The following HIRA variants were observed in gnomAD, a reference collection of about 807,000 sequenced individuals.
HIRA encodes the protein histone cell cycle regulator, also known as protein HIRA.
Under a neutral mutation model 126.6 loss-of-function variants are expected in HIRA, and 13 were observed. The ratio of observed to expected loss-of-function variants is 0.10; its 90% CI spans 0.07 to 0.16. The LOEUF is 0.16. Among genes scored for constraint, HIRA ranks in the 10% least tolerant of loss-of-function variants. The probability of loss-of-function intolerance (pLI) is 1.00; values close to 1 mark genes in which losing one functional copy is unlikely to be tolerated. For synonymous variants in HIRA, 511 were observed against 520.0 expected, an observed-to-expected ratio of 0.98 and a Z score of 0.24; for missense variants, 834 against 1,314.4, an observed-to-expected ratio of 0.63 and a Z score of 5.65.
At chr22:19,352,673 A>T (rs1303384024) in intron 23 of HIRA, among the ~76,000 whole-genome samples, 2 of 152,152 alleles carry the variant, frequency 1.3e-5, no homozygotes, top group Admixed American at 6.5e-5. Flanking sequence ...CTGTACTTAA[A>T]TTTTTTTCTA....
chr22:19,362,854 C>G (rs2088877400), intron 15 of HIRA, among the ~76,000 whole-genome samples: 1 of 151,580 alleles, frequency 6.6e-6, no homozygotes, highest in Non-Finnish European at 1.5e-5. Flanking sequence ...AGCCACCATG[C>G]CTGGCTGAGA....
intron 1 of HIRA, among the ~76,000 whole-genome samples, chr22:19,424,239 C>T (rs575214815): frequency 3.5e-4 from 54 of 152,360 alleles, no homozygotes; most frequent in African/African-American, 1.3e-3. Context: ...CAGATATCCA[C>T]TCTGCCCGTT....
intron 13 of HIRA, among the ~76,000 whole-genome samples, chr22:19,380,991 T>C (rs531096133): frequency 2.6e-5 from 4 of 152,338 alleles, no homozygotes; most frequent in African/African-American, 9.6e-5. Context: ...TTTGTACTGG[T>C]TAAATTTATA....
chr22:19,412,171 A>T (rs1038855092), intron 1 of HIRA, among the ~76,000 whole-genome samples: 1 of 152,178 alleles, frequency 6.6e-6, no homozygotes, highest in South Asian at 2.1e-4. Context: ...GGAGAAACCT[A>T]GTTGTCATGT....
At chr22:19,349,913 C>T (rs1209478147) in intron 24 of HIRA, among the ~76,000 whole-genome samples, 9 of 152,204 alleles carry the variant, frequency 5.9e-5, no homozygotes, top group African/African-American at 1.9e-4. Flanking sequence ...ATGTTCTTCT[C>T]CCAAATATAT....
At chr22:19,422,164 TTATA>T (rs71766212) in intron 1 of HIRA, among the ~76,000 whole-genome samples, 233 of 121,404 alleles carry the variant, frequency 1.9e-3, no homozygotes, top group African/African-American at 5.8e-3. Context: ...AAGAATGTGT[TTATA>T]TATACACACA....
At chr22:19,407,053 A>T in intron 4 of HIRA, 131 bp downstream of exon 4, 1 of 707,660 alleles carries the variant, frequency 1.4e-6, no homozygotes, top group Non-Finnish European at 2.5e-6. Flanking sequence ...CCTGACCTAC[A>T]TGCACTTTCC....
chr22:19,415,490 A>T (rs1329415768), intron 1 of HIRA, among the ~76,000 whole-genome samples: 1 of 152,212 alleles, frequency 6.6e-6, no homozygotes, highest in Non-Finnish European at 1.5e-5. Context: ...AGAAGATTTA[A>T]TAACTTTAAG....
intron 17 of HIRA, 73 bp downstream of exon 17, chr22:19,361,164 G>T: frequency 8.8e-7 from 1 of 1,139,216 alleles, no homozygotes; most frequent in Non-Finnish European, 1.3e-6. Flanking sequence ...GACAAGATAG[G>T]ATTTGTATGC....
chr22:19,362,032 T>C, intron 15 of HIRA, 101 bp from the exon 16 acceptor site: 1 of 1,082,708 alleles, frequency 9.2e-7, no homozygotes, highest in Non-Finnish European at 1.3e-6. Flanking sequence ...CTTGCCAACC[T>C]AGAATTCTGT....
At chr22:19,341,973 C>T (rs2088634132) in intron 24 of HIRA, among the ~76,000 whole-genome samples, 1 of 152,202 alleles carries the variant, frequency 6.6e-6, no homozygotes, top group Admixed American at 6.5e-5. Flanking sequence ...AACTTAAAAG[C>T]TTCTGCACAG....
In HIRA at chr22:19,356,358, C is replaced by T. The variant is rs5993613; in HGVS notation, c.2397-70G>A. ...CACATCAGAGTGTGCCTTGGCTGCTCAGACACCCTGGCCCTACTGCATGCG... is the reference window on the plus strand; with the variant it reads ...CACATCAGAGTGTGCCTTGGCTGCTTAGACACCCTGGCCCTACTGCATGCG... On this transcript the variant is annotated intron_variant, in intron 19 of 24. Transcript: ENST00000263208. The T allele has an allele frequency of 0.041, 56,444 of 1,383,894 alleles. 1,376 individuals are homozygous for T. The highest frequency in any genetic ancestry group is 0.078 in the African/African-American group (5,487 of 70,592). 85.7% of individuals were successfully genotyped at this position (1,383,894 alleles called of 1,614,324 possible). A position where few individuals can be genotyped will look rare whatever the true frequency, so the allele number is the denominator to read the frequency against.
rs1217653976 is a variant in HIRA, at chr22:19,331,121, T to C, written c.*319A>G. 1.6e-6 allele frequency: 2 copies of C among 1,277,382 alleles called. No individual in the cohort carries two copies. Among genetic ancestry groups the C allele is most frequent in the East Asian group, 4.7e-5 (1 of 21,172 alleles). The allele number at this position is 1,277,382 out of a possible 1,614,324, so 79.1% of individuals were successfully genotyped here. A position where few individuals can be genotyped will look rare whatever the true frequency, so the allele number is the denominator to read the frequency against. On this transcript the variant is annotated 3_prime_UTR_variant, in exon 25 of 25. Transcript: ENST00000263208. ...TGGTGCCTGCAGCAGCAGGGGCTAG[T>C]GTCCACCTTGGGGCCGTGCTGGAGA...
At chr22:19,361,116 GTGA>G in intron 17 of HIRA, 118 bp downstream of exon 17, 2 of 757,844 alleles carry the variant, frequency 2.6e-6, no homozygotes, top group Non-Finnish European at 4.5e-6. Flanking sequence ...CTCCCAGAAG[GTGA>G]TGGAGAGCCA....
chr22:19,338,692 T>C (rs1378992567), intron 24 of HIRA, among the ~76,000 whole-genome samples: 2 of 152,116 alleles, frequency 1.3e-5, no homozygotes, highest in Non-Finnish European at 2.9e-5. Context: ...AAACAGACTT[T>C]AAAGCAACAA....
chr22:19,382,225 A>G (rs1324145974), intron 13 of HIRA, among the ~76,000 whole-genome samples: 2 of 152,144 alleles, frequency 1.3e-5, no homozygotes, highest in African/African-American at 2.4e-5. Flanking sequence ...TATGCATCCT[A>G]TGTCAGAAAG....
At chr22:19,358,050 AGT>A (rs2088829526) in intron 18 of HIRA, among the ~76,000 whole-genome samples, 1 of 152,056 alleles carries the variant, frequency 6.6e-6, no homozygotes, top group African/African-American at 2.4e-5. Context: ...CCCAGGCTGG[AGT>A]GTAGTGGCGT....
rs371705416 is a variant in HIRA at position 19,379,131 on chromosome 22, C to A, written c.1416-1065G>T. On this transcript the variant is annotated intron_variant, in intron 13 of 24. Coordinates refer to ENST00000263208, the MANE Select transcript of HIRA (RefSeq NM_003325.4). ...CAAGCTCCGCCTCCCGGGTTCACGCCATTCTCCTGCCTCAGCCTCCCGAGT... is the reference window on the plus strand; with the variant it reads ...CAAGCTCCGCCTCCCGGGTTCACGCAATTCTCCTGCCTCAGCCTCCCGAGT... 2.3e-3 allele frequency among the ~76,000 whole-genome samples: 345 copies of A among 151,704 alleles called. 2 individuals carry two copies. The highest frequency in any genetic ancestry group is 8.0e-3 in the African/African-American group (331 of 41,446).
At chr22:19,401,096 G>A (rs1193037982) in intron 5 of HIRA, among the ~76,000 whole-genome samples, 1 of 151,950 alleles carries the variant, frequency 6.6e-6, no homozygotes, top group African/African-American at 2.4e-5. Flanking sequence ...ACAAAGCTCA[G>A]CTCCTCTCCT....
Sources: gnomAD v4.1 joint callset for allele counts (sites outside exome capture counted in the v4.1 genomes callset) on GRCh38, gnomAD v4.1.1 for gene constraint, MANE v1.5 for transcripts, NCBI Gene and HGNC (gene_info 2026-07-23, HGNC 2026-07-21) for gene names.